Variants in MAPKAPK3 observed in about 807,000 individuals in gnomAD.
MAPKAPK3 encodes MAP kinase-activated protein kinase 3.
A neutral mutation model predicts 49.2 loss-of-function variants in MAPKAPK3; 35 were observed. That is an observed-to-expected ratio of 0.71 (90% CI 0.54 to 0.94). The LOEUF is 0.94. Among genes scored for constraint, MAPKAPK3 ranks in the 40% least tolerant of loss-of-function variants. MAPKAPK3 has a pLI of 0.00. For synonymous variants in MAPKAPK3, 178 were observed against 188.7 expected (o/e 0.94, Z 0.46); for missense variants, 398 against 493.1 (o/e 0.81, Z 1.83).
chr3:50,638,707 T>C (rs1161583225), intron 2 of MAPKAPK3, among the ~76,000 whole-genome samples: 1 of 152,194 alleles, frequency 6.6e-6, no homozygotes, highest in Non-Finnish European at 1.5e-5. Context: ...CTCTCCCCTC[T>C]CTGGGACACT....
intron 3 of MAPKAPK3, among the ~76,000 whole-genome samples, chr3:50,641,483 A>G (rs187424307): frequency 6.6e-6 from 1 of 152,304 alleles, no homozygotes; most frequent in Non-Finnish European, 1.5e-5. Context: ...CAGGGATCAG[A>G]GCCCACCACC....
At chr3:50,611,779 G>A, upstream of MAPKAPK3, 2 of 1,285,248 alleles carry the variant, frequency 1.6e-6, no homozygotes, top group Non-Finnish European at 2.0e-6. Context: ...GGGACTGAGA[G>A]GCAGTGGCGC....
At chr3:50,630,311 TCCA>T (rs2032871671) in intron 2 of MAPKAPK3, among the ~76,000 whole-genome samples, 1 of 152,190 alleles carries the variant, frequency 6.6e-6, no homozygotes, top group African/African-American at 2.4e-5. Flanking sequence ...CCAGTCCCAG[TCCA>T]GGTCTAGCCC....
chr3:50,626,477 G>C (rs1309074701), intron 2 of MAPKAPK3, among the ~76,000 whole-genome samples: 1 of 152,180 alleles, frequency 6.6e-6, no homozygotes, highest in Non-Finnish European at 1.5e-5. Flanking sequence ...TGAGGGACCA[G>C]GACCTTGAGC....
upstream of MAPKAPK3, among the ~76,000 whole-genome samples, chr3:50,616,405 C>G (rs938435929): frequency 1.3e-5 from 2 of 152,156 alleles, no homozygotes; most frequent in African/African-American, 4.8e-5. Context: ...TTAACAGAGA[C>G]TTATATGTGC....
chr3:50,621,802 G>A (rs1255444255), intron 2 of MAPKAPK3, among the ~76,000 whole-genome samples: 1 of 152,086 alleles, frequency 6.6e-6, no homozygotes, highest in Non-Finnish European at 1.5e-5. Context: ...GCAATAAAAG[G>A]CCTTATGGAG....
chr3:50,627,013 G>A (rs974172046), intron 2 of MAPKAPK3, among the ~76,000 whole-genome samples: 1 of 151,964 alleles, frequency 6.6e-6, no homozygotes, highest in Non-Finnish European at 1.5e-5. Flanking sequence ...GTGAAACCCC[G>A]TCTCTACTAA....
At chr3:50,619,332 G>A (rs935819999) in intron 2 of MAPKAPK3, among the ~76,000 whole-genome samples, 1 of 152,206 alleles carries the variant, frequency 6.6e-6, no homozygotes, top group Non-Finnish European at 1.5e-5. Flanking sequence ...GAGTACCTTG[G>A]AGGGGAACAT....
Position 50,644,480 on chromosome 3 carries a change from GGA to G in MAPKAPK3, c.579_580del (p.Glu193AspfsTer19), listed in dbSNP as rs2033243575. ...AGCTCACCGATTTTGGCTTTGCTAA[GGA>G]GACCACCCAAAATGCCCTGCAGACA... ...LKLTDFGFAK[E>X]TTQNALQTPC... On this transcript the variant is annotated frameshift_variant, in exon 6 of 11. Coordinates refer to ENST00000621469, the MANE Select transcript of MAPKAPK3 (RefSeq NM_001243925.2). LOFTEE classifies it high-confidence loss of function. 2 of 1,614,076 alleles carry G rather than the reference GGA, an allele frequency of 1.2e-6. No individual in the cohort carries two copies. The highest frequency in any genetic ancestry group is 1.3e-5 in the African/African-American group (1 of 74,936).
At chr3:50,642,127 A>G in intron 4 of MAPKAPK3, 126 bp from the exon 5 acceptor site, 1 of 697,360 alleles carries the variant, frequency 1.4e-6, no homozygotes, top group South Asian at 1.6e-5. Flanking sequence ...GAACCTGGAT[A>G]GCAGGAGTGC....
chr3:50,629,141 T>G (rs1390360464), intron 2 of MAPKAPK3, among the ~76,000 whole-genome samples: 1 of 152,136 alleles, frequency 6.6e-6, no homozygotes, highest in Non-Finnish European at 1.5e-5. Flanking sequence ...CCTTCCTTAT[T>G]GAGCCTTTCA....
intron 3 of MAPKAPK3, among the ~76,000 whole-genome samples, chr3:50,641,274 C>T (rs2033170918): frequency 6.6e-6 from 1 of 152,164 alleles, no homozygotes. Flanking sequence ...AGAACCAGCC[C>T]AGGATCACAC....
intron 2 of MAPKAPK3, among the ~76,000 whole-genome samples, chr3:50,639,051 G>T (rs961676463): frequency 1.3e-5 from 2 of 152,182 alleles, no homozygotes; most frequent in African/African-American, 4.8e-5. Context: ...CTACAGCAGG[G>T]CCACTGTGAG....
intron 2 of MAPKAPK3, among the ~76,000 whole-genome samples, chr3:50,618,651 C>T (rs895577187): frequency 1.3e-5 from 2 of 152,130 alleles, no homozygotes; most frequent in African/African-American, 2.4e-5. Context: ...ATAGTGGCTC[C>T]TGGAGGCTAG....
upstream of MAPKAPK3, among the ~76,000 whole-genome samples, chr3:50,616,518 G>A (rs1287434708): frequency 6.6e-6 from 1 of 152,196 alleles, no homozygotes; most frequent in Non-Finnish European, 1.5e-5. Context: ...GTGAAATGTT[G>A]GCGGATCTGA....
intron 3 of MAPKAPK3, 33 bp from the exon 4 acceptor site, chr3:50,641,674 C>T: frequency 3.8e-6 from 6 of 1,581,598 alleles, no homozygotes; most frequent in Non-Finnish European, 5.2e-6. Flanking sequence ...TGTGCAGTTT[C>T]CCCCTCTCTG....
chr3:50,639,624 C>A (rs685887), intron 2 of MAPKAPK3, among the ~76,000 whole-genome samples: 7,220 of 152,248 alleles, frequency 0.047, 265 homozygotes, highest in Non-Finnish European at 0.072. Context: ...ATTACTTTTA[C>A]CCCTACAGGA....
chr3:50,649,087 T>C lies in MAPKAPK3; in HGVS notation c.*1041T>C, dbSNP rs1047762835. On this transcript the variant is annotated 3_prime_UTR_variant, in exon 11 of 11. Transcript: ENST00000621469. ...TGAGTAGGGCAGAGAGGGCCTTTCC[T>C]GGCTGATCAGAGCTTACCAGCCCCA... The C allele has an allele frequency of 2.6e-5, 4 of 152,296 alleles. No individual in the cohort carries two copies. The East Asian group carries it at 5.8e-4, about 22-fold the overall frequency. The allele number at this position is 152,296 out of a possible 1,614,324, so 9.4% of individuals were successfully genotyped here.
chr3:50,639,422 G>A (rs2033120547), intron 2 of MAPKAPK3, among the ~76,000 whole-genome samples: 1 of 152,102 alleles, frequency 6.6e-6, no homozygotes, highest in Non-Finnish European at 1.5e-5. Context: ...CCTTGAGATG[G>A]CCCCACCTCT....
Sources: gnomAD v4.1 joint callset for allele counts (sites outside exome capture counted in the v4.1 genomes callset) on GRCh38, gnomAD v4.1.1 for gene constraint, MANE v1.5 for transcripts, NCBI Gene and HGNC (gene_info 2026-07-23, HGNC 2026-07-21) for gene names.